MAP3K3: variants seen among roughly 807,000 people sequenced by gnomAD.
MAP3K3 encodes mitogen-activated protein kinase kinase kinase 3.
A neutral mutation model predicts 80.9 loss-of-function variants in MAP3K3; 12 were observed. The observed-to-expected ratio is 0.15, with a 90% CI of 0.10 to 0.24. The LOEUF (loss-of-function observed/expected upper bound fraction) is 0.24. Among genes scored for constraint, MAP3K3 ranks in the 10% least tolerant of loss-of-function variants. MAP3K3 has a pLI of 1.00. For missense variants in MAP3K3, 596 were observed against 834.7 expected, an observed-to-expected ratio of 0.71 and a Z score of 3.52; for synonymous variants, 272 against 307.1, an observed-to-expected ratio of 0.89 and a Z score of 1.19.
At chr17:63,622,805 G>A in intron 1 of MAP3K3, 42 bp downstream of exon 1, 2 of 468,048 alleles carry the variant, frequency 4.3e-6, no homozygotes, top group Non-Finnish European at 8.4e-6. Flanking sequence ...GCGCTGCTTC[G>A]CGACGCCCCG....
chr17:63,690,440 G>C (rs2035561217), intron 12 of MAP3K3, 28 bp downstream of exon 12: 1 of 1,605,330 alleles, frequency 6.2e-7, no homozygotes, highest in Admixed American at 1.7e-5. Context: ...TCTGACTTCA[G>C]TTCCCTCCTT....
At chr17:63,632,651 T>C (rs1468385443) in intron 1 of MAP3K3, 30 bp from the exon 2 acceptor site, 1 of 1,612,866 alleles carries the variant, frequency 6.2e-7, no homozygotes, top group Admixed American at 1.7e-5. Flanking sequence ...TATTTAAGTG[T>C]CTTAGTCCAT....
intron 7 of MAP3K3, 104 bp from the exon 8 acceptor site, chr17:63,685,413 T>C: frequency 1.2e-6 from 1 of 848,602 alleles, no homozygotes; most frequent in Admixed American, 1.7e-5. Context: ...GACACTTTCA[T>C]GTTTTGACAA....
chr17:63,691,310 G>A lies in MAP3K3; in HGVS notation c.1344+77G>A. On this transcript the variant is annotated intron_variant, in intron 13 of 15. Transcript: ENST00000361733. The surrounding 1 kb of genome is among the most constrained non-coding windows in gnomAD (Gnocchi z 4.8). ...GGGGGCTGGGGCCTGCAGGAGGGGG[G>A]TCACCTTGGATAGGAGTTTGAACAC... is the stretch of plus-strand genomic sequence containing the variant. The A allele has an allele frequency of 6.3e-7, 1 of 1,596,052 alleles. No individual in the cohort carries two copies. The highest frequency in any genetic ancestry group is 8.6e-7 in the Non-Finnish European group (1 of 1,168,238).
intron 4 of MAP3K3, among the ~76,000 whole-genome samples, chr17:63,653,987 C>A (rs1430887640): frequency 6.6e-6 from 1 of 152,178 alleles, no homozygotes; most frequent in Non-Finnish European, 1.5e-5. Flanking sequence ...CCACCTCAGC[C>A]ACCCAAGTAG....
chr17:63,689,705 T>A lies in MAP3K3; in HGVS notation c.1033T>A (p.Ser345Thr). 9 of 1,613,796 alleles carry A rather than the reference T, an allele frequency of 5.6e-6. No individual in the cohort carries two copies. Among genetic ancestry groups the A allele is most frequent in the Non-Finnish European group, 6.8e-6 (8 of 1,179,858 alleles). ...LRSADSENAL[S>T]VQERNVPTKS... ...GAGTGCGGACAGCGAGAATGCCCTC[T>A]CTGTGCAGGAGAGGAATGTGCCAAC... Residue 345 changes from serine to threonine, a missense_variant, in exon 11 of 16, where the codon TCT (serine) becomes ACT (threonine). Ser to Thr is a moderately conservative substitution (Grantham distance 58). Transcript: ENST00000361733. The surrounding 1 kb of genome is among the most constrained non-coding windows in gnomAD (Gnocchi z 4.3).
At chr17:63,650,468 A>T (rs1329600228) in intron 3 of MAP3K3, among the ~76,000 whole-genome samples, 1 of 151,630 alleles carries the variant, frequency 6.6e-6, no homozygotes, top group South Asian at 2.1e-4. Context: ...ACACCCAGGT[A>T]ATTTTTAAAT....
At chr17:63,651,677 T>C (rs2034660012) in intron 3 of MAP3K3, among the ~76,000 whole-genome samples, 2 of 152,224 alleles carry the variant, frequency 1.3e-5, no homozygotes, top group African/African-American at 2.4e-5. Context: ...TACACCTCTT[T>C]GGATGACTCC....
intron 1 of MAP3K3, among the ~76,000 whole-genome samples, chr17:63,631,934 C>T (rs62077474): frequency 6.6e-6 from 1 of 152,130 alleles, no homozygotes; most frequent in Non-Finnish European, 1.5e-5. Flanking sequence ...TTATTTGGTA[C>T]CTTTTAAAGT....
At chr17:63,688,189 G>A (rs184674166) in intron 8 of MAP3K3, 386 of 362,130 alleles carry the variant, frequency 1.1e-3, no homozygotes, top group African/African-American at 7.5e-3. Context: ...TGCTGTGGCT[G>A]TTTTTATTAC....
chr17:63,658,334 A>C (rs1342163707), intron 5 of MAP3K3, among the ~76,000 whole-genome samples: 1 of 152,164 alleles, frequency 6.6e-6, no homozygotes, highest in East Asian at 1.9e-4. Flanking sequence ...CCCTTGGAAC[A>C]CTTGTAGGAA....
chr17:63,645,269 C>T (rs576990600), intron 2 of MAP3K3, among the ~76,000 whole-genome samples: 2 of 152,172 alleles, frequency 1.3e-5, no homozygotes, highest in East Asian at 3.9e-4. Context: ...TGCTACTGCA[C>T]TCCAACCTGG....
At chr17:63,645,120 C>T (rs2034516424) in intron 2 of MAP3K3, among the ~76,000 whole-genome samples, 2 of 152,208 alleles carry the variant, frequency 1.3e-5, no homozygotes, top group Admixed American at 6.5e-5. Context: ...AACCACTTAA[C>T]AAATATTATT....
At chr17:63,690,518 A>T (rs992897252) in intron 12 of MAP3K3, 106 bp downstream of exon 12, 1 of 1,247,070 alleles carries the variant, frequency 8.0e-7, no homozygotes, top group Non-Finnish European at 1.1e-6. Context: ...TTCCTCTGTC[A>T]TTCTTCCCAA....
chr17:63,663,559 A>T (rs1367475176), intron 5 of MAP3K3, among the ~76,000 whole-genome samples: 1 of 152,148 alleles, frequency 6.6e-6, no homozygotes, highest in African/African-American at 2.4e-5. Context: ...AGCATATATA[A>T]TCAGAGTCTT....
rs2034006753 is a variant in MAP3K3 at position 63,622,547 on chromosome 17, A to T, written c.-213A>T. On this transcript the variant is annotated 5_prime_UTR_variant, in exon 1 of 16. The change abolishes an upstream ATG in the 5' untranslated region. Transcript: ENST00000361733. ...TGGGCCGAGCCCAGGAGCGCCCGGG[A>T]TGTAGCGGGCCACCCTGCCGATGCC... is the stretch of plus-strand genomic sequence containing the variant. 6.6e-6 allele frequency: 1 copy of T among 152,040 alleles called. No homozygotes were observed. The highest frequency in any genetic ancestry group is 1.4e-5 in the Non-Finnish European group (1 of 69,204). The allele number at this position is 152,040 out of a possible 1,614,324, so 9.4% of individuals were successfully genotyped here.
At chr17:63,649,449 G>A (rs68076419) in intron 3 of MAP3K3, among the ~76,000 whole-genome samples, 5,853 of 75,408 alleles carry the variant, frequency 0.078, 410 homozygotes, top group African/African-American at 0.39. Flanking sequence ...AAAAAAAAAA[G>A]TAGACAGGAT....
chr17:63,642,919 A>C (rs538199936), intron 2 of MAP3K3, among the ~76,000 whole-genome samples: 2 of 151,774 alleles, frequency 1.3e-5, no homozygotes, highest in South Asian at 4.2e-4. Context: ...CACCACAACC[A>C]GCTAATTTTT....
At chr17:63,687,835 G>T (rs1197186642) in intron 8 of MAP3K3, among the ~76,000 whole-genome samples, 1 of 152,132 alleles carries the variant, frequency 6.6e-6, no homozygotes, top group Non-Finnish European at 1.5e-5. Flanking sequence ...CTACTCGGGA[G>T]GCTGAGGCAG....
Sources: allele counts gnomAD v4.1 joint callset (sites outside exome capture counted in the v4.1 genomes callset), GRCh38; gene constraint gnomAD v4.1.1; non-coding constraint Gnocchi (gnomAD v3.1); transcripts MANE v1.5; gene names NCBI Gene and HGNC (gene_info 2026-07-23, HGNC 2026-07-21).